The following ARHGEF3 variants were observed in gnomAD, a reference collection of about 807,000 sequenced individuals.
ARHGEF3 encodes Rho guanine nucleotide exchange factor 3.
In ARHGEF3, 28 loss-of-function variants were observed where a neutral mutation model predicts 63.2. The ratio of observed to expected loss-of-function variants is 0.44; its 90% confidence interval spans 0.33 to 0.61. ARHGEF3 has a LOEUF of 0.61. ARHGEF3 is among the 20% of genes least tolerant of loss of function. ARHGEF3 has a pLI of 0.03. For synonymous variants in ARHGEF3, 266 were observed against 254.2 expected (o/e 1.05, Z -0.44); for missense variants, 533 against 659.3 (o/e 0.81, Z 2.10).
chr3:56,999,303 G>A (rs1337239181), intron 2 of ARHGEF3, among the ~76,000 whole-genome samples: 3 of 151,976 alleles, frequency 2.0e-5, no homozygotes, highest in Non-Finnish European at 4.4e-5. Flanking sequence ...CGCCCACCTC[G>A]GCCTCCCAAA....
chr3:56,861,486 G>A lies in ARHGEF3; in HGVS notation c.192+20806C>T, dbSNP rs1474530424. 2.0e-5 allele frequency among the ~76,000 whole-genome samples: 3 copies of A among 152,304 alleles called. No homozygotes were observed. The South Asian group carries it at 6.2e-4, about 32-fold the overall frequency. ...TGCAAAAGAAACAGTCTTCCTAGCA[G>A]GAAAAGCAAGGAAATTTGAGCCCAA... On this transcript the variant is annotated intron_variant, in intron 4 of 12. Coordinates refer to the ARHGEF3 transcript ENST00000338458.
chr3:56,752,026 T>C (rs534580391), intron 4 of ARHGEF3, among the ~76,000 whole-genome samples: 64 of 152,342 alleles, frequency 4.2e-4, no homozygotes, highest in African/African-American at 1.5e-3. Context: ...TTCTAGTTTA[T>C]ATTTTAGTTT....
intron 3 of ARHGEF3, among the ~76,000 whole-genome samples, chr3:56,897,902 C>A (rs1164074052): frequency 1.3e-5 from 2 of 151,730 alleles, no homozygotes; most frequent in South Asian, 2.1e-4. Flanking sequence ...ATTTTTGAGA[C>A]AGGGTCGCAG....
intron 1 of ARHGEF3, among the ~76,000 whole-genome samples, chr3:56,792,328 T>C: frequency 6.6e-6 from 1 of 152,196 alleles, no homozygotes; most frequent in East Asian, 1.9e-4. Context: ...TTTTTCCTCT[T>C]TATTTGTTCC....
At chr3:56,909,304 A>C (rs1330901651) in intron 3 of ARHGEF3, among the ~76,000 whole-genome samples, 3 of 152,242 alleles carry the variant, frequency 2.0e-5, no homozygotes, top group African/African-American at 7.2e-5. Flanking sequence ...TACCATGTTA[A>C]ATTCTTAGTA....
rs188103373 is a variant in ARHGEF3 at position 56,945,203 on chromosome 3, C to T, written c.129+13620G>A. On this transcript the variant is annotated intron_variant, in intron 3 of 12. Coordinates refer to the ARHGEF3 transcript ENST00000338458. ...CTCCCAGCATGAGTGATGCAGAAGA[C>T]GGGTGATTTCTGCGTTTCCAACTGA... Among the ~76,000 whole-genome samples the T allele has an allele frequency of 8.5e-4, 129 of 152,168 alleles. 1 individual carries two copies. The highest frequency in any genetic ancestry group is 1.8e-3 in the Admixed American group (28 of 15,294).
chr3:56,850,199 G>A (rs545313860), intron 4 of ARHGEF3, among the ~76,000 whole-genome samples: 10 of 152,276 alleles, frequency 6.6e-5, no homozygotes, highest in African/African-American at 2.4e-4. Context: ...GTCCCCATCT[G>A]ATGAAATAGT....
intron 3 of ARHGEF3, among the ~76,000 whole-genome samples, chr3:56,942,199 T>G (rs1396650109): frequency 6.6e-6 from 1 of 152,272 alleles, no homozygotes; most frequent in African/African-American, 2.4e-5. Flanking sequence ...TTACTGCACT[T>G]GGCTTTATTG....
intron 3 of ARHGEF3, among the ~76,000 whole-genome samples, chr3:56,913,157 AAAC>A (rs1031056376): frequency 4.7e-5 from 2 of 42,322 alleles, no homozygotes; most frequent in East Asian, 4.8e-4. Context: ...CTAAAAAAAA[AAAC>A]AACAACAACA....
At chr3:56,798,223 C>T (rs1184233868) in intron 1 of ARHGEF3, among the ~76,000 whole-genome samples, 2 of 152,184 alleles carry the variant, frequency 1.3e-5, no homozygotes, top group African/African-American at 2.4e-5. Context: ...CAGTATTCAG[C>T]TATTCATGAG....
chr3:56,816,308 G>A (rs2038268800), intron 4 of ARHGEF3, among the ~76,000 whole-genome samples: 1 of 152,170 alleles, frequency 6.6e-6, no homozygotes. Context: ...TGCAACCCTG[G>A]CCAAACTTCT....
At chr3:56,951,878 T>A (rs868733089) in intron 3 of ARHGEF3, among the ~76,000 whole-genome samples, 19 of 151,998 alleles carry the variant, frequency 1.3e-4, no homozygotes, top group Admixed American at 2.6e-4. Context: ...TGCTTTGGAA[T>A]GAGGTGAGGT....
chr3:56,908,057 G>A (rs61425516), intron 3 of ARHGEF3, among the ~76,000 whole-genome samples: 1 of 152,148 alleles, frequency 6.6e-6, no homozygotes, highest in Non-Finnish European at 1.5e-5. Flanking sequence ...CAAAGAAAAA[G>A]AGCCTCCTTA....
At chr3:56,756,490 C>G (rs1263900301) in intron 2 of ARHGEF3, among the ~76,000 whole-genome samples, 1 of 151,552 alleles carries the variant, frequency 6.6e-6, no homozygotes, top group African/African-American at 2.4e-5. Context: ...TCCCTCTGTA[C>G]TCCCTTCAAA....
At chr3:56,828,092 G>A (rs1197334147) in intron 4 of ARHGEF3, among the ~76,000 whole-genome samples, 1 of 151,596 alleles carries the variant, frequency 6.6e-6, no homozygotes, top group African/African-American at 2.4e-5. Context: ...TACATACATT[G>A]TTATATTTAC....
intron 2 of ARHGEF3, among the ~76,000 whole-genome samples, chr3:57,010,371 G>T (rs1486452868): frequency 6.6e-6 from 1 of 151,430 alleles, no homozygotes; most frequent in East Asian, 2.0e-4. Context: ...CAGGAGAATG[G>T]CGTGAACCCA....
intron 6 of ARHGEF3, among the ~76,000 whole-genome samples, chr3:56,748,459 T>G (rs1266925592): frequency 6.6e-6 from 1 of 152,042 alleles, no homozygotes; most frequent in Non-Finnish European, 1.5e-5. Context: ...CTATTCACCA[T>G]CTCTTTATTA....
intron 3 of ARHGEF3, among the ~76,000 whole-genome samples, chr3:56,928,904 A>G (rs757444076): frequency 6.6e-6 from 1 of 152,218 alleles, no homozygotes; most frequent in Non-Finnish European, 1.5e-5. Flanking sequence ...CACGGGCCTC[A>G]GTGAGGAGGT....
intron 2 of ARHGEF3, among the ~76,000 whole-genome samples, chr3:57,008,062 T>C (rs1241287447): frequency 6.6e-6 from 1 of 152,204 alleles, no homozygotes; most frequent in Non-Finnish European, 1.5e-5. Flanking sequence ...AGAATTTTTC[T>C]AGCCTGCTTT....
Sources: allele counts gnomAD v4.1 joint callset (sites outside exome capture counted in the v4.1 genomes callset), GRCh38; gene constraint gnomAD v4.1.1; transcripts MANE v1.5; gene names NCBI Gene and HGNC (gene_info 2026-07-23, HGNC 2026-07-21).